TXLNB: variants seen among roughly 807,000 people sequenced by gnomAD.
TXLNB encodes taxilin beta.
In TXLNB, 37 loss-of-function variants were observed where a neutral mutation model predicts 57.4. The observed-to-expected ratio is 0.64, with a 90% CI of 0.50 to 0.85. TXLNB has a LOEUF of 0.85. TXLNB is among the 40% of genes least tolerant of loss of function. The pLI is 0.00. For missense variants in TXLNB, 848 were observed against 825.6 expected (o/e 1.03, Z -0.33); for synonymous variants, 302 against 309.6 (o/e 0.98, Z 0.26).
the TXLNB span, among the ~76,000 whole-genome samples, chr6:139,162,076 G>A: frequency 8.9e-4 from 136 of 152,268 alleles, no homozygotes; most frequent in Non-Finnish European, 1.5e-3. Context: ...CAGCACTGGA[G>A]TTTTACAAAG....
At chr6:139,276,448 G>A (rs920840638) in intron 3 of TXLNB, among the ~76,000 whole-genome samples, 1 of 152,210 alleles carries the variant, frequency 6.6e-6, no homozygotes, top group African/African-American at 2.4e-5. Context: ...CTAGTGAGGT[G>A]CTAACATGCG....
Position 139,270,551 on chromosome 6 carries a change from C to T in TXLNB, c.592G>A (p.Asp198Asn), listed in dbSNP as rs752110472. ...KKQVQIQKEK[D>N]QLQGEHSRAI... ...CTGCTGTGTTCACCTTGTAACTGGT[C>T]CTTTTCTTTTTGAATTTGTACCTGT... Residue 198 changes from aspartate to asparagine, a missense_variant, in exon 4 of 10, where the codon GAC (aspartate) becomes AAC (asparagine). Physicochemically the swap from Asp to Asn is conservative, Grantham distance 23 (BLOSUM62 1). Coordinates refer to ENST00000358430, the MANE Select transcript of TXLNB (RefSeq NM_153235.4). 3 of 1,614,086 alleles carry T rather than the reference C, an allele frequency of 1.9e-6. No homozygotes were observed. The highest frequency in any genetic ancestry group is 2.5e-6 in the Non-Finnish European group (3 of 1,179,980).
downstream of TXLNB, among the ~76,000 whole-genome samples, chr6:139,235,910 G>A (rs1022168479): frequency 5.3e-5 from 8 of 152,264 alleles, no homozygotes; most frequent in East Asian, 7.7e-4. Context: ...GCAGAGGAGC[G>A]GAAGAGCACA....
chr6:139,202,442 T>A, the TXLNB span, among the ~76,000 whole-genome samples: 1 of 152,250 alleles, frequency 6.6e-6, no homozygotes, highest in African/African-American at 2.4e-5. Flanking sequence ...AACTTACGTG[T>A]ATGTACATAT....
chr6:139,247,029 C>CT (rs1192960973), intron 8 of TXLNB, among the ~76,000 whole-genome samples: 1 of 152,154 alleles, frequency 6.6e-6, no homozygotes, highest in African/African-American at 2.4e-5. Context: ...ATTCAAGGCT[C>CT]TGTCAGTTAT....
At chr6:139,296,307 C>G (rs912635162), upstream of TXLNB, among the ~76,000 whole-genome samples, 1 of 152,068 alleles carries the variant, frequency 6.6e-6, no homozygotes, top group Non-Finnish European at 1.5e-5. Context: ...TAGATGTAAC[C>G]TTTTAGGTTG....
chr6:139,323,920 G>C, the TXLNB span, among the ~76,000 whole-genome samples: 1 of 152,048 alleles, frequency 6.6e-6, no homozygotes, highest in Non-Finnish European at 1.5e-5. Context: ...GCTCATCCCC[G>C]TCCTTTCTGC....
intron 3 of TXLNB, among the ~76,000 whole-genome samples, chr6:139,272,603 GTTATTAAATA>G (rs1194749077): frequency 6.6e-6 from 1 of 152,170 alleles, no homozygotes; most frequent in African/African-American, 2.4e-5. Context: ...TAAATAATCT[GTTATTAAATA>G]TTTCTCATGC....
intron 4 of TXLNB, 31 bp downstream of exon 4, chr6:139,270,425 A>C: frequency 1.9e-6 from 3 of 1,589,088 alleles, no homozygotes; most frequent in Non-Finnish European, 2.6e-6. Context: ...CCATTCAAGA[A>C]ATTATGTTAT....
chr6:139,166,702 G>A, the TXLNB span: 1 of 1,612,132 alleles, frequency 6.2e-7, no homozygotes, highest in Non-Finnish European at 8.5e-7. Context: ...CCCCAAATAA[G>A]CCCCAGAAAG....
chr6:139,184,953 C>T, the TXLNB span, among the ~76,000 whole-genome samples: 2 of 152,210 alleles, frequency 1.3e-5, no homozygotes, highest in Non-Finnish European at 2.9e-5. Flanking sequence ...TTCTAAGTTA[C>T]TGCCAAACCA....
At chr6:139,227,686 A>G in the TXLNB span, among the ~76,000 whole-genome samples, 1 of 152,260 alleles carries the variant, frequency 6.6e-6, no homozygotes, top group Non-Finnish European at 1.5e-5. Context: ...CATACTATAG[A>G]TCACTATATG....
chr6:139,254,996 T>G (rs1776298789), intron 7 of TXLNB, among the ~76,000 whole-genome samples: 2 of 152,098 alleles, frequency 1.3e-5, no homozygotes, highest in African/African-American at 4.8e-5. Flanking sequence ...TGTTTATATA[T>G]TTTTTAATAG....
chr6:139,162,608 T>A, the TXLNB span, among the ~76,000 whole-genome samples: 1 of 152,188 alleles, frequency 6.6e-6, no homozygotes, highest in East Asian at 1.9e-4. Flanking sequence ...TATTAATACA[T>A]AGAGGTAGAC....
chr6:139,191,224 G>A, the TXLNB span, among the ~76,000 whole-genome samples: 51 of 152,246 alleles, frequency 3.3e-4, no homozygotes, highest in African/African-American at 1.2e-3. Context: ...TTCAAGACCA[G>A]CCTGACCCAC....
chr6:139,209,495 C>T, the TXLNB span, among the ~76,000 whole-genome samples: 1 of 152,098 alleles, frequency 6.6e-6, no homozygotes, highest in Admixed American at 6.6e-5. Flanking sequence ...CAAAGGAAGG[C>T]TAAGCTAAAA....
At chr6:139,180,358 C>T in the TXLNB span, 1 of 152,592 alleles carries the variant, frequency 6.6e-6, no homozygotes, top group Non-Finnish European at 1.5e-5. Context: ...AAGACTGATG[C>T]TTAATACACA....
At chr6:139,313,219 C>T in the TXLNB span, among the ~76,000 whole-genome samples, 5 of 151,964 alleles carry the variant, frequency 3.3e-5, no homozygotes, top group South Asian at 2.1e-4. Flanking sequence ...ACTACAGGCA[C>T]GTGCCACCAT....
chr6:139,177,324 A>G, the TXLNB span: 1 of 379,154 alleles, frequency 2.6e-6, no homozygotes, highest in South Asian at 6.5e-5. This position sits in a 1 kb window ranked among gnomAD's most constrained non-coding sequence, Gnocchi z 4.9. Flanking sequence ...AATCCTGTGC[A>G]TTTGGGTTGG....
Sources: gnomAD v4.1 joint callset for allele counts (sites outside exome capture counted in the v4.1 genomes callset) on GRCh38, gnomAD v4.1.1 for gene constraint, Gnocchi (gnomAD v3.1) non-coding constraint, MANE v1.5 for transcripts, NCBI Gene and HGNC (gene_info 2026-07-23, HGNC 2026-07-21) for gene names.